Variants in NRP2 observed in about 807,000 individuals in gnomAD.
The protein encoded by NRP2 is neuropilin 2.
Under a neutral mutation model 110.4 loss-of-function variants are expected in NRP2, and 52 were observed. That is an observed-to-expected ratio of 0.47 (90% confidence interval 0.38 to 0.59). The LOEUF is 0.59. Among genes scored for constraint, NRP2 ranks in the 20% least tolerant of loss-of-function variants. NRP2 has a pLI of 0.00. For synonymous variants in NRP2, 508 were observed against 468.9 expected (o/e 1.08, Z -1.08); for missense variants, 1,049 against 1,203.0 (o/e 0.87, Z 1.89).
At chr2:205,773,111 C>T (rs986277483) in intron 15 of NRP2, among the ~76,000 whole-genome samples, 2 of 152,192 alleles carry the variant, frequency 1.3e-5, no homozygotes, top group East Asian at 1.9e-4. Context: ...ATTGATTTAT[C>T]GTCTTCCTTT....
chr2:205,690,570 T>C (rs2056290103), intron 1 of NRP2, among the ~76,000 whole-genome samples: 1 of 137,576 alleles, frequency 7.3e-6, no homozygotes, highest in Non-Finnish European at 1.5e-5. Context: ...ACCCCATCCC[T>C]GCTAAAAATA....
intron 15 of NRP2, among the ~76,000 whole-genome samples, chr2:205,772,619 G>A (rs1443424157): frequency 6.6e-6 from 1 of 152,222 alleles, no homozygotes; most frequent in East Asian, 1.9e-4. Flanking sequence ...AAAAAGACAT[G>A]TGAGTAAGCG....
In NRP2 at chr2:205,790,717, G is replaced by A. The variant is rs558671051; in HGVS notation, c.2426-1518G>A. ...TTCACAAGCTCGATTTGATCCCTGT[G>A]ACAAACACCACCTTCCTCTTGTTGA... is the stretch of plus-strand genomic sequence containing the variant. On this transcript the variant is annotated intron_variant, in intron 15 of 16. Coordinates refer to ENST00000357785, the MANE Select transcript of NRP2 (RefSeq NM_003872.3). 1.5e-4 allele frequency among the ~76,000 whole-genome samples: 23 copies of A among 150,798 alleles called. No individual in the cohort carries two copies. The Middle Eastern group carries it at 0.014, about 89-fold the overall frequency.
At chr2:205,789,832 G>A (rs1438596517) in intron 15 of NRP2, among the ~76,000 whole-genome samples, 1 of 152,256 alleles carries the variant, frequency 6.6e-6, no homozygotes, top group African/African-American at 2.4e-5. Flanking sequence ...GAAAAGGAAA[G>A]TGGCTGGTAA....
At chr2:205,693,400 G>A (rs1041651702) in intron 1 of NRP2, among the ~76,000 whole-genome samples, 1 of 152,232 alleles carries the variant, frequency 6.6e-6, no homozygotes, top group African/African-American at 2.4e-5. Context: ...GCCCTTCTGA[G>A]CTGAGGGCAG....
Position 205,726,032 on chromosome 2 carries a change from G to A in NRP2, c.940G>A (p.Asp314Asn). The change falls in exon 6 of 17, where the codon GAT (aspartate) becomes AAT (asparagine). Residue 314 changes from aspartate to asparagine, a missense_variant. Coordinates refer to ENST00000357785, the MANE Select transcript of NRP2 (RefSeq NM_003872.3). Reference protein sequence around the residue: ...WTPQQSRLHGDDNGWTPNLDS... With the variant: ...WTPQQSRLHGNDNGWTPNLDS... ...CCCTCAACAAAGCCGGCTCCATGGT[G>A]ATGACAATGGCTGGACCCCCAACTT... 1.2e-6 allele frequency: 2 copies of A among 1,614,240 alleles called. No individual in the cohort carries two copies. Among genetic ancestry groups the A allele is most frequent in the South Asian group, 1.1e-5 (1 of 91,080 alleles).
chr2:205,784,921 A>G (rs1245455789), intron 15 of NRP2, among the ~76,000 whole-genome samples: 1 of 152,200 alleles, frequency 6.6e-6, no homozygotes, highest in African/African-American at 2.4e-5. Context: ...ACCTGAAGCC[A>G]GGTCTCTTAG....
chr2:205,735,102 A>G (rs954078950), intron 7 of NRP2, among the ~76,000 whole-genome samples: 1 of 152,194 alleles, frequency 6.6e-6, no homozygotes, highest in African/African-American at 2.4e-5. Flanking sequence ...AAGGAGCTCA[A>G]AGACTTGGAC....
At chr2:205,749,064 G>C (rs890897277) in intron 10 of NRP2, among the ~76,000 whole-genome samples, 2 of 152,166 alleles carry the variant, frequency 1.3e-5, no homozygotes, top group Admixed American at 6.5e-5. Context: ...GAAGGAAAGG[G>C]GGAAAGATTT....
At chr2:205,699,429 T>C (rs76916810) in intron 2 of NRP2, among the ~76,000 whole-genome samples, 2,888 of 152,318 alleles carry the variant, frequency 0.019, 71 homozygotes, top group East Asian at 0.088. Context: ...CAAATTCTGT[T>C]ATGCTTATGA....
intron 7 of NRP2, among the ~76,000 whole-genome samples, chr2:205,733,565 C>G (rs143030478): frequency 2.0e-5 from 3 of 152,272 alleles, no homozygotes; most frequent in Non-Finnish European, 4.4e-5. Context: ...GTCTCTGGAA[C>G]CTCACTCCCT....
In NRP2 at chr2:205,686,112, C is replaced by T. The variant is rs1386899977; in HGVS notation, c.73+2749C>T. On this transcript the variant is annotated intron_variant, in intron 1 of 16. Transcript: ENST00000357785. The surrounding 1 kb of genome is among the most constrained non-coding windows in gnomAD (Gnocchi z 4.7). The stretch of plus-strand genomic sequence containing the variant: ...TTGGGCTACGCAGCAGAAACAGAGC[C>T]CAGCGATCCATAAACATTCTATTAA... Among the ~76,000 whole-genome samples the T allele has an allele frequency of 2.0e-5, 3 of 152,082 alleles. No individual in the cohort carries two copies. Among genetic ancestry groups the T allele is most frequent in the Non-Finnish European group, 4.4e-5 (3 of 68,004 alleles).
In NRP2 at chr2:205,795,514, C is replaced by T. The variant is rs942183745; in HGVS notation, c.*456C>T. On this transcript the variant is annotated 3_prime_UTR_variant, in exon 17 of 17. Coordinates refer to ENST00000357785, the MANE Select transcript of NRP2 (RefSeq NM_003872.3). ...CTCTTTCTAATCAACACTTGAAAAGCAAAGTGTCTTTTCAGCCTTTCCATC... is the reference window on the plus strand; with the variant it reads ...CTCTTTCTAATCAACACTTGAAAAGTAAAGTGTCTTTTCAGCCTTTCCATC... The T allele has an allele frequency of 2.0e-5, 3 of 152,596 alleles. No homozygotes were observed. The highest frequency in any genetic ancestry group is 4.8e-5 in the African/African-American group (2 of 41,420). 9.5% of individuals were successfully genotyped at this position (152,596 alleles called of 1,614,324 possible).
intron 1 of NRP2, among the ~76,000 whole-genome samples, chr2:205,694,818 G>A (rs1428179879): frequency 6.6e-6 from 1 of 152,230 alleles, no homozygotes; most frequent in East Asian, 1.9e-4. Flanking sequence ...ATCAAGAGGA[G>A]AAGTAGAATG....
chr2:205,765,245 T>G (rs1421815140), intron 13 of NRP2, among the ~76,000 whole-genome samples: 2 of 152,208 alleles, frequency 1.3e-5, no homozygotes, highest in African/African-American at 4.8e-5. Context: ...CCTTGTTATA[T>G]TTTCTTATCC....
chr2:205,709,719 G>A lies in NRP2; in HGVS notation c.252-6474G>A, dbSNP rs145779056. Among the ~76,000 whole-genome samples, 1,255 of 152,136 alleles carry A rather than the reference G, an allele frequency of 8.2e-3. 24 individuals carry two copies. Among genetic ancestry groups the A allele is most frequent in the African/African-American group, 0.028 (1,177 of 41,494 alleles). ...TGCCTACTCACAAACACAAAATTTC[G>A]GCAAACAAAGATAGAGCTTCCCCAA... On this transcript the variant is annotated intron_variant, in intron 2 of 16. Coordinates refer to ENST00000357785, the MANE Select transcript of NRP2 (RefSeq NM_003872.3).
At chr2:205,717,542 G>GT (rs2056925261) in intron 3 of NRP2, among the ~76,000 whole-genome samples, 1 of 152,260 alleles carries the variant, frequency 6.6e-6, no homozygotes, top group Non-Finnish European at 1.5e-5. Flanking sequence ...AAATGAAGGG[G>GT]TGGGGCAAGG....
At chr2:205,720,969 C>G (rs968732762) in intron 3 of NRP2, among the ~76,000 whole-genome samples, 2 of 152,160 alleles carry the variant, frequency 1.3e-5, no homozygotes, top group Non-Finnish European at 2.9e-5. Context: ...CCCTACCCTG[C>G]CAAAGCACAG....
intron 13 of NRP2, among the ~76,000 whole-genome samples, chr2:205,764,931 G>A (rs1045307700): frequency 6.6e-6 from 1 of 152,198 alleles, no homozygotes; most frequent in African/African-American, 2.4e-5. Flanking sequence ...TATGTCCAGG[G>A]CATAGTAGGT....
Sources: gnomAD v4.1 joint callset for allele counts (sites outside exome capture counted in the v4.1 genomes callset) on GRCh38, gnomAD v4.1.1 for gene constraint, Gnocchi (gnomAD v3.1) non-coding constraint, MANE v1.5 for transcripts, NCBI Gene and HGNC (gene_info 2026-07-23, HGNC 2026-07-21) for gene names.